FANCM: variants seen among roughly 807,000 people sequenced by gnomAD.
FANCM encodes FA complementation group M, also known as Fanconi anemia group M protein.
In FANCM, 140 loss-of-function variants were observed where a neutral mutation model predicts 199.5. That is an observed-to-expected ratio of 0.70 (90% CI 0.61 to 0.81). FANCM has a LOEUF of 0.81. FANCM is among the 30% of genes least tolerant of loss of function. The probability of loss-of-function intolerance (pLI) is 0.00; values close to 1 mark genes in which losing one functional copy is unlikely to be tolerated. For missense variants in FANCM, 2,410 were observed against 2,421.4 expected (o/e 1.00, Z 0.10); for synonymous variants, 840 against 836.8 (o/e 1.00, Z -0.07).
At chr14:45,157,912 A>G (rs922778952) in intron 8 of FANCM, among the ~76,000 whole-genome samples, 1 of 152,314 alleles carries the variant, frequency 6.6e-6, no homozygotes, top group East Asian at 1.9e-4. Flanking sequence ...AAAAATCAGT[A>G]GAGGTTGGAT....
intron 12 of FANCM, among the ~76,000 whole-genome samples, chr14:45,171,053 A>G (rs1233847231): frequency 1.3e-5 from 2 of 152,082 alleles, no homozygotes; most frequent in Admixed American, 6.5e-5. Flanking sequence ...ATATAGGCAT[A>G]ATCTTACATG....
rs142482017 is a variant in FANCM, at chr14:45,198,545, A to G, written c.5717-99A>G. The G allele has an allele frequency of 1.8e-4, 133 of 744,926 alleles. No homozygotes were observed. The East Asian group carries it at 3.6e-3, about 20-fold the overall frequency. The allele number at this position is 744,926 out of a possible 1,614,324, so 46.1% of individuals were successfully genotyped here. A position where few individuals can be genotyped will look rare whatever the true frequency, so the allele number is the denominator to read the frequency against. Reference sequence around the variant, plus strand: ...GCAGAATGTGGCACCAGTTTGCTCAATGGTGTAGATCTTGGGATTTTAATA... The same window carrying G: ...GCAGAATGTGGCACCAGTTTGCTCAGTGGTGTAGATCTTGGGATTTTAATA... On this transcript the variant is annotated intron_variant, in intron 21 of 22. Coordinates refer to ENST00000267430, the MANE Select transcript of FANCM (RefSeq NM_020937.4).
chr14:45,188,754 G>C, intron 19 of FANCM, 48 bp from the exon 20 acceptor site: 1 of 1,370,820 alleles, frequency 7.3e-7, no homozygotes, highest in Non-Finnish European at 1.0e-6. Context: ...TTAAATACCT[G>C]TTAATTGTCT....
chr14:45,149,238 GGTTTT>G lies in FANCM; in HGVS notation c.918+246_918+250del, dbSNP rs952355691. ...TGTAAAGCAAATAATAGCCTTACAT[GGTTTT>G]GTATTTTTTTAAGTAAACCTTATAA... On this transcript the variant is annotated intron_variant, in intron 4 of 22. Coordinates refer to ENST00000267430, the MANE Select transcript of FANCM (RefSeq NM_020937.4). Among the ~76,000 whole-genome samples, 6 of 151,784 alleles carry G rather than the reference GGTTTT, an allele frequency of 4.0e-5. 1 individual carries two copies. The highest frequency in any genetic ancestry group is 3.9e-4 in the Admixed American group (6 of 15,216).
intron 17 of FANCM, among the ~76,000 whole-genome samples, chr14:45,184,388 G>A (rs1300782458): frequency 1.3e-5 from 2 of 152,234 alleles, no homozygotes; most frequent in African/African-American, 2.4e-5. Flanking sequence ...CAGGCTGGGC[G>A]CGGTGGCTCA....
Position 45,170,751 on chromosome 14 carries a change from G to A in FANCM, c.2160+5G>A, listed in dbSNP as rs1376599373. The A allele has an allele frequency of 1.2e-6, 2 of 1,606,830 alleles. No individual in the cohort carries two copies. Among genetic ancestry groups the A allele is most frequent in the Non-Finnish European group, 1.7e-6 (2 of 1,174,346 alleles). ...CAAAATGAGGAAAACAAACCAGTAA[G>A]TTGAATATATTTTCAGATGTTCTTT... On this transcript the variant is annotated splice_donor_5th_base_variant and intron_variant, in intron 12 of 22. Coordinates refer to ENST00000267430, the MANE Select transcript of FANCM (RefSeq NM_020937.4).
chr14:45,194,200 G>A lies in FANCM; in HGVS notation c.5341-1972G>A, dbSNP rs1366956409. ...GCCTGTAGTCCCAGCTACTCAGGAG[G>A]CTGAGGCAGGAGAATGGCTTGAACC... On this transcript the variant is annotated intron_variant, in intron 20 of 22. Transcript: ENST00000267430. 2.0e-5 allele frequency among the ~76,000 whole-genome samples: 3 copies of A among 151,912 alleles called. No individual in the cohort carries two copies. The East Asian group carries it at 5.8e-4, about 29-fold the overall frequency.
chr14:45,198,816 AGTG>A lies in FANCM; in HGVS notation c.5893_5895del (p.Val1965del), dbSNP rs769106934. 4.7e-5 allele frequency: 76 copies of A among 1,613,830 alleles called. No homozygotes were observed. The highest frequency in any genetic ancestry group is 1.7e-4 in the Admixed American group (10 of 60,012). On this transcript the variant is annotated inframe_deletion, in exon 22 of 23. Transcript: ENST00000267430. Reference sequence around the variant, plus strand: ...AGAATGTTGGTATTCATGTTCCAACAGTGGTGAATAGTAATAAAAGTGAGGCAC... The same window carrying A: ...AGAATGTTGGTATTCATGTTCCAACAGTGAATAGTAATAAAAGTGAGGCAC...
In FANCM at chr14:45,200,610, A is replaced by G. The variant is rs1373739415; in HGVS notation, c.*602A>G. 1 of 152,294 alleles carries G rather than the reference A, an allele frequency of 6.6e-6. No individual in the cohort carries two copies. The highest frequency in any genetic ancestry group is 1.5e-5 in the Non-Finnish European group (1 of 68,140). 9.4% of individuals were successfully genotyped at this position (152,294 alleles called of 1,614,324 possible). A position where few individuals can be genotyped will look rare whatever the true frequency, so the allele number is the denominator to read the frequency against. On this transcript the variant is annotated 3_prime_UTR_variant, in exon 23 of 23. Transcript: ENST00000267430. Reference sequence around the variant, plus strand: ...TGGCTGTGTCCCCAACCAAAATCTCATCTTGACTTGTAATCTGAATTATAA... The same window carrying G: ...TGGCTGTGTCCCCAACCAAAATCTCGTCTTGACTTGTAATCTGAATTATAA...
intron 11 of FANCM, among the ~76,000 whole-genome samples, chr14:45,167,738 A>AT (rs1201955261): frequency 6.6e-6 from 1 of 152,114 alleles, no homozygotes; most frequent in Non-Finnish European, 1.5e-5. Context: ...AAAAATGTTT[A>AT]TTTTTTGGAT....
Position 45,175,434 on chromosome 14 carries a change from C to G in FANCM, c.2680C>G (p.Leu894Val). 6.3e-7 allele frequency: 1 copy of G among 1,591,592 alleles called. No individual in the cohort carries two copies. Among genetic ancestry groups the G allele is most frequent in the Non-Finnish European group, 8.5e-7 (1 of 1,169,866 alleles). Reference sequence around the variant, plus strand: ...TGTTGAAAATATTTTTCAAGAAGACCTACCAAATGATAAAAGGACATCAGA... The same window carrying G: ...TGTTGAAAATATTTTTCAAGAAGACGTACCAAATGATAAAAGGACATCAGA... Reference protein sequence around the residue: ...STVENIFQEDLPNDKRTSDTD... With the variant: ...STVENIFQEDVPNDKRTSDTD... The change falls in exon 14 of 23, where the codon CTA becomes GTA. Residue 894 changes from leucine (L) to valine (V), a missense_variant. Leu to Val is a conservative substitution (Grantham distance 32). Coordinates refer to ENST00000267430, the MANE Select transcript of FANCM (RefSeq NM_020937.4).
intron 3 of FANCM, among the ~76,000 whole-genome samples, chr14:45,146,832 CAAA>C (rs762253487): frequency 1.4e-4 from 6 of 42,176 alleles, no homozygotes; most frequent in African/African-American, 4.3e-4. Flanking sequence ...GACTCTGTCT[CAAA>C]AAAAAAAAAA....
chr14:45,174,941 G>A (rs893438152), intron 13 of FANCM, 130 bp from the exon 14 acceptor site: 1 of 605,102 alleles, frequency 1.7e-6, no homozygotes, highest in African/African-American at 1.9e-5. Context: ...AACTTTTAAG[G>A]TATAAAAGAA....
At chr14:45,140,755 T>A (rs1261032455) in intron 3 of FANCM, 46 bp downstream of exon 3, 1 of 1,260,718 alleles carries the variant, frequency 7.9e-7, no homozygotes, top group Non-Finnish European at 1.2e-6. Context: ...AAAATAAAGC[T>A]TTTGGCCAGG....
intron 2 of FANCM, chr14:45,137,637 T>A (rs1057180534): frequency 3.8e-6 from 1 of 265,772 alleles, no homozygotes; most frequent in African/African-American, 2.3e-5. Flanking sequence ...AATGACATAA[T>A]GTATGCCACA....
chr14:45,185,616 A>G (rs1307413145), intron 18 of FANCM, among the ~76,000 whole-genome samples: 2 of 152,168 alleles, frequency 1.3e-5, no homozygotes, highest in African/African-American at 4.8e-5. Context: ...TCAAGTGTGA[A>G]ATGTTCATTT....
chr14:45,142,462 A>G (rs1311248349), intron 3 of FANCM, among the ~76,000 whole-genome samples: 1 of 151,600 alleles, frequency 6.6e-6, no homozygotes, highest in Non-Finnish European at 1.5e-5. Context: ...ACCCGCCACC[A>G]TGCCCGGCTA....
At chr14:45,186,841 T>G (rs546866428) in intron 18 of FANCM, among the ~76,000 whole-genome samples, 5 of 152,312 alleles carry the variant, frequency 3.3e-5, no homozygotes, top group African/African-American at 1.2e-4. Flanking sequence ...AGCAGCCAGA[T>G]CATAATCTGA....
At chr14:45,194,355 C>T (rs1889943581) in intron 20 of FANCM, among the ~76,000 whole-genome samples, 2 of 150,334 alleles carry the variant, frequency 1.3e-5, no homozygotes, top group Non-Finnish European at 3.0e-5. Flanking sequence ...ATTTTTGTGT[C>T]CTTCACTGCT....
Sources: allele counts gnomAD v4.1 joint callset (sites outside exome capture counted in the v4.1 genomes callset), GRCh38; gene constraint gnomAD v4.1.1; transcripts MANE v1.5; gene names NCBI Gene and HGNC (gene_info 2026-07-23, HGNC 2026-07-21).